RNF180: variants seen among roughly 807,000 people sequenced by gnomAD.
RNF180 encodes E3 ubiquitin-protein ligase RNF180.
RNF180 carries 38 observed loss-of-function variants against 59.2 expected under a neutral mutation model. That is an observed-to-expected ratio of 0.64 (90% CI 0.50 to 0.84). The LOEUF is 0.84. Ranked by LOEUF, RNF180 falls within the 40% of genes least tolerant of loss-of-function variation. RNF180 has a pLI of 0.00. For synonymous variants in RNF180, 262 were observed against 240.3 expected, an observed-to-expected ratio of 1.09 and a Z score of -0.84; for missense variants, 705 against 700.9, an observed-to-expected ratio of 1.01 and a Z score of -0.07.
chr5:64,245,828 C>T (rs2112254692), intron 5 of RNF180, among the ~76,000 whole-genome samples: 1 of 152,294 alleles, frequency 6.6e-6, no homozygotes. Context: ...TTCTAAACAC[C>T]ACATAGCACT....
At chr5:64,217,219 C>G in intron 4 of RNF180, 142 bp from the exon 5 acceptor site, 2 of 1,012,358 alleles carry the variant, frequency 2.0e-6, no homozygotes, top group South Asian at 4.0e-5. Flanking sequence ...CAGTAGTATT[C>G]CATTGTATGA....
At chr5:64,326,884 A>G (rs1173153218) in intron 6 of RNF180, among the ~76,000 whole-genome samples, 1 of 152,298 alleles carries the variant, frequency 6.6e-6, no homozygotes, top group East Asian at 1.9e-4. Flanking sequence ...AAGAATTGGT[A>G]ATAATTCTTC....
intron 2 of RNF180, among the ~76,000 whole-genome samples, chr5:64,208,118 T>C (rs935858572): frequency 3.3e-5 from 5 of 152,058 alleles, no homozygotes; most frequent in Non-Finnish European, 7.4e-5. Flanking sequence ...TTTTCTGTTA[T>C]AGAAACTGAG....
chr5:64,205,160 G>C (rs964612672), intron 2 of RNF180, among the ~76,000 whole-genome samples: 4 of 152,152 alleles, frequency 2.6e-5, no homozygotes, highest in Non-Finnish European at 4.4e-5. Context: ...ACAAGAAACA[G>C]TACAAATGCA....
intron 5 of RNF180, among the ~76,000 whole-genome samples, chr5:64,304,285 C>A (rs1743322173): frequency 6.6e-6 from 1 of 151,578 alleles, no homozygotes; most frequent in Non-Finnish European, 1.5e-5. Context: ...AGGAGTAATT[C>A]TGACTTTAAA....
intron 5 of RNF180, among the ~76,000 whole-genome samples, chr5:64,260,874 C>T (rs1744297917): frequency 6.6e-6 from 1 of 151,174 alleles, no homozygotes; most frequent in African/African-American, 2.4e-5. Flanking sequence ...ATAGTAAGTA[C>T]TATTGTTTAT....
chr5:64,218,954 C>T (rs937682318), intron 5 of RNF180, among the ~76,000 whole-genome samples: 1 of 152,000 alleles, frequency 6.6e-6, no homozygotes, highest in Admixed American at 6.6e-5. Context: ...AGATTTATTC[C>T]TATTATTTTT....
At chr5:64,204,443 A>G (rs1328958942) in intron 2 of RNF180, among the ~76,000 whole-genome samples, 1 of 152,202 alleles carries the variant, frequency 6.6e-6, no homozygotes, top group Non-Finnish European at 1.5e-5. Context: ...CTGTAATTTC[A>G]CGTCTTCACC....
At chr5:64,364,180 C>A (rs1405013515) in intron 7 of RNF180, among the ~76,000 whole-genome samples, 2 of 151,758 alleles carry the variant, frequency 1.3e-5, no homozygotes, top group Non-Finnish European at 2.9e-5. Flanking sequence ...GGGAATGCTT[C>A]CAGCTTTTGC....
chr5:64,364,597 G>A lies in RNF180; in HGVS notation c.1580-5018G>A, dbSNP rs114613069. ...GGATGATGTTGGCCTCATAGAATGCGTTGGGAAGGAGTCTCTCCTCAATTA... is the reference window on the plus strand; with the variant it reads ...GGATGATGTTGGCCTCATAGAATGCATTGGGAAGGAGTCTCTCCTCAATTA... On this transcript the variant is annotated intron_variant, in intron 7 of 7. Transcript: ENST00000389100. 4.6e-3 allele frequency among the ~76,000 whole-genome samples: 699 copies of A among 151,830 alleles called. 9 individuals are homozygous for A. The highest frequency in any genetic ancestry group is 0.015 in the African/African-American group (638 of 41,496).
At chr5:64,311,166 A>G (rs945188227) in intron 5 of RNF180, among the ~76,000 whole-genome samples, 1 of 151,950 alleles carries the variant, frequency 6.6e-6, no homozygotes, top group Non-Finnish European at 1.5e-5. Flanking sequence ...GCTGGGCAAT[A>G]AAGTGACACC....
At chr5:64,229,958 A>G (rs1323611960) in intron 5 of RNF180, among the ~76,000 whole-genome samples, 2 of 152,242 alleles carry the variant, frequency 1.3e-5, no homozygotes, top group Admixed American at 6.5e-5. Context: ...ACACCAGTCA[A>G]TGACTTCTTG....
At chr5:64,351,512 C>T (rs1367404949) in intron 7 of RNF180, among the ~76,000 whole-genome samples, 6 of 152,016 alleles carry the variant, frequency 3.9e-5, no homozygotes, top group Non-Finnish European at 8.8e-5. Flanking sequence ...CCAGTTTTTG[C>T]CCATTCAGTA....
At chr5:64,282,040 A>G (rs902624107) in intron 5 of RNF180, among the ~76,000 whole-genome samples, 3 of 152,126 alleles carry the variant, frequency 2.0e-5, no homozygotes, top group Admixed American at 2.0e-4. Flanking sequence ...ATCCGTGTTC[A>G]TCAAGGATAT....
intron 5 of RNF180, among the ~76,000 whole-genome samples, chr5:64,218,825 ATTG>A (rs1451207616): frequency 1.3e-5 from 2 of 152,112 alleles, no homozygotes; most frequent in East Asian, 1.9e-4. Context: ...GAGAGGAGTT[ATTG>A]TTATTTAAAA....
At chr5:64,188,432 C>T (rs1188754247) in intron 1 of RNF180, among the ~76,000 whole-genome samples, 1 of 151,298 alleles carries the variant, frequency 6.6e-6, no homozygotes, top group Non-Finnish European at 1.5e-5. Context: ...TTTTTAAGTG[C>T]CGTGCCCAGG....
chr5:64,253,662 C>G (rs538607111), intron 5 of RNF180, among the ~76,000 whole-genome samples: 3 of 152,052 alleles, frequency 2.0e-5, no homozygotes, highest in African/African-American at 7.2e-5. Flanking sequence ...ACAGGCAAAA[C>G]TGAAATCAGT....
At chr5:64,206,499 T>C (rs1752022888) in intron 2 of RNF180, among the ~76,000 whole-genome samples, 1 of 152,212 alleles carries the variant, frequency 6.6e-6, no homozygotes, top group Non-Finnish European at 1.5e-5. Flanking sequence ...TCTGGTGGTA[T>C]TTTTCCTTCA....
chr5:64,330,182 T>C, intron 6 of RNF180, 99 bp from the exon 7 acceptor site: 1 of 802,970 alleles, frequency 1.2e-6, no homozygotes, highest in Non-Finnish European at 2.0e-6. Context: ...GTGTGAATTG[T>C]ATCAAATAGT....
Sources: gnomAD v4.1 joint callset for allele counts (sites outside exome capture counted in the v4.1 genomes callset) on GRCh38, gnomAD v4.1.1 for gene constraint, MANE v1.5 for transcripts, NCBI Gene and HGNC (gene_info 2026-07-23, HGNC 2026-07-21) for gene names.